PTPRU: variants seen among roughly 807,000 people sequenced by gnomAD.
PTPRU encodes protein tyrosine phosphatase receptor type U.
Under a neutral mutation model 166.3 loss-of-function variants are expected in PTPRU, and 69 were observed. The ratio of observed to expected loss-of-function variants is 0.41; its 90% confidence interval spans 0.34 to 0.51. The LOEUF (loss-of-function observed/expected upper bound fraction) is 0.51, where lower values mean the gene tolerates loss of function less well. PTPRU is among the 20% of genes least tolerant of loss of function. PTPRU has a pLI of 0.09. For missense variants in PTPRU, 1,657 were observed against 2,013.7 expected (o/e 0.82, Z 3.39); for synonymous variants, 793 against 814.0 (o/e 0.97, Z 0.44).
rs372417435 is a variant in PTPRU, at chr1:29,305,161, C to T, written c.2744-191C>T. Among the ~76,000 whole-genome samples, 20 of 152,312 alleles carry T rather than the reference C, an allele frequency of 1.3e-4. No homozygotes were observed. In the South Asian group the frequency reaches 3.9e-3, roughly 30 times the overall value. On this transcript the variant is annotated intron_variant, in intron 17 of 29. Coordinates refer to ENST00000373779, the MANE Select transcript of PTPRU (RefSeq NM_133178.4). ...ATACACTCTTAGGCCTCCTTGACTCCATAGCCCAGGCTCTACCCCCTGGTG... is the reference window on the plus strand; with the variant it reads ...ATACACTCTTAGGCCTCCTTGACTCTATAGCCCAGGCTCTACCCCCTGGTG...
At position 29,315,510 on chromosome 1, in the gene PTPRU, G is replaced by A; in HGVS notation, c.3363+3G>A. 1.2e-6 allele frequency: 2 copies of A among 1,614,132 alleles called. No individual in the cohort carries two copies. The highest frequency in any genetic ancestry group is 8.5e-7 in the Non-Finnish European group (1 of 1,180,034). ...GTGTCAACATGATCCAGACTGAGGT[G>A]CGGGGACCTGGCCCTGTCCCCACCA... On this transcript the variant is annotated splice_donor_region_variant and intron_variant, in intron 23 of 29. Transcript: ENST00000373779. This position sits in a 1 kb window ranked among gnomAD's most constrained non-coding sequence, Gnocchi z 4.5.
rs749027853 is a variant in PTPRU at position 29,257,881 on chromosome 1, G to C, written c.206-624G>C. On this transcript the variant is annotated intron_variant, in intron 2 of 29. Transcript: ENST00000373779. This position sits in a 1 kb window ranked among gnomAD's most constrained non-coding sequence, Gnocchi z 4.6. ...TCCAGGGATGAATGACCTAGTCCCT[G>C]TCTCCAGGGATAGCTCAGAACATGG... 6.6e-6 allele frequency among the ~76,000 whole-genome samples: 1 copy of C among 152,122 alleles called. No homozygotes were observed. Among genetic ancestry groups the C allele is most frequent in the East Asian group, 1.9e-4 (1 of 5,176 alleles).
intron 16 of PTPRU, 44 bp from the exon 17 acceptor site, chr1:29,304,730 G>GCCTACATCATCCCCACTGAGGGGA: frequency 6.6e-7 from 1 of 1,511,132 alleles, no homozygotes; most frequent in Non-Finnish European, 9.1e-7. Flanking sequence ...GGCCCTCAGT[G>GCCTACATCATCCCCACTGAGGGGA]AGGGTCCCTC....
At chr1:29,295,726 A>G (rs192399421) in intron 15 of PTPRU, among the ~76,000 whole-genome samples, 30 of 151,630 alleles carry the variant, frequency 2.0e-4, no homozygotes, top group African/African-American at 6.3e-4. Flanking sequence ...TCACTCTGTC[A>G]CCCAGGCTGG....
At chr1:29,248,863 C>T (rs1373495400) in intron 1 of PTPRU, among the ~76,000 whole-genome samples, 2 of 152,146 alleles carry the variant, frequency 1.3e-5, no homozygotes, top group Non-Finnish European at 2.9e-5. Flanking sequence ...AGCGCCTGCC[C>T]GGGAGACCTC....
chr1:29,253,369 G>A (rs923312124), intron 1 of PTPRU, among the ~76,000 whole-genome samples: 58 of 152,186 alleles, frequency 3.8e-4, no homozygotes, highest in Admixed American at 3.4e-3. Flanking sequence ...TGGCCTTTCC[G>A]TGGCATTCCT....
intron 8 of PTPRU, 102 bp downstream of exon 8, chr1:29,275,858 T>G: frequency 7.4e-7 from 1 of 1,344,006 alleles, no homozygotes; most frequent in East Asian, 2.5e-5. Context: ...TTTTTTTTGC[T>G]TAGGATTAAA....
intron 15 of PTPRU, among the ~76,000 whole-genome samples, chr1:29,295,175 A>G (rs1686824769): frequency 6.6e-6 from 1 of 151,122 alleles, no homozygotes; most frequent in Admixed American, 6.6e-5. Context: ...AGCTGGGACT[A>G]CAGGGGCGCA....
rs146068581 is a variant in PTPRU at position 29,317,750 on chromosome 1, G to A, written c.3516G>A (p.Thr1172=). 2.6e-5 allele frequency: 41 copies of A among 1,606,972 alleles called. No homozygotes were observed. Among genetic ancestry groups the A allele is most frequent in the African/African-American group, 1.9e-4 (14 of 74,890 alleles). ...GTCCCCACCCCCGCTCCCTGTAGAC[G>A]CTGAACTCGGTCACCCCGCCGCTGG... ...NSSQLREEFQ[T]LNSVTPPLDV... The change falls in exon 25 of 30, where the codon ACG becomes ACA. Residue 1172 remains threonine, a splice_region_variant and synonymous_variant. Coordinates refer to ENST00000373779, the MANE Select transcript of PTPRU (RefSeq NM_133178.4). This position sits in a 1 kb window ranked among gnomAD's most constrained non-coding sequence, Gnocchi z 5.6.
Position 29,325,198 on chromosome 1 carries a change from G to C in PTPRU, c.4120G>C (p.Gly1374Arg), listed in dbSNP as rs1557495010. Reference sequence around the variant, plus strand: ...TTTGCATCTCTCATTCAGAAACGGGGGAGGACGCAGCGGCACCTTCTGCGC... The same window carrying C: ...TTTGCATCTCTCATTCAGAAACGGGCGAGGACGCAGCGGCACCTTCTGCGC... ...GRTIVHCLNG[G>R]GRSGTFCACA... Residue 1374 changes from glycine to arginine, a missense_variant, in exon 29 of 30, where the codon GGA (glycine) becomes CGA (arginine). By Grantham distance (125) the Gly-to-Arg change is moderately radical. Coordinates refer to ENST00000373779, the MANE Select transcript of PTPRU (RefSeq NM_133178.4). 6.2e-7 allele frequency: 1 copy of C among 1,614,106 alleles called. No individual in the cohort carries two copies. The highest frequency in any genetic ancestry group is 2.2e-5 in the East Asian group (1 of 44,892).
At chr1:29,250,777 G>T (rs1200797520) in intron 1 of PTPRU, among the ~76,000 whole-genome samples, 1 of 152,248 alleles carries the variant, frequency 6.6e-6, no homozygotes, top group African/African-American at 2.4e-5. Flanking sequence ...GGGGCTTTTG[G>T]CTCCTAGCTG....
Position 29,282,752 on chromosome 1 carries a change from G to A in PTPRU, c.1945G>A (p.Val649Met). ...REPGGQDCFP[V>M]PLTFEAALAR... ...GCCAGGTGGACAGGACTGCTTCCCAGTGCCATTGACCTTCGAGGCGGCGCT... is the reference window on the plus strand; with the variant it reads ...GCCAGGTGGACAGGACTGCTTCCCAATGCCATTGACCTTCGAGGCGGCGCT... The change falls in exon 12 of 30, where the codon GTG (valine) becomes ATG (methionine). Residue 649 changes from valine to methionine, a missense_variant. By Grantham distance (21) the Val-to-Met change is conservative. This residue lies in a region of PTPRU where 1,190 missense variants were observed against 1,477.4 expected (regional missense o/e 0.81). Coordinates refer to ENST00000373779, the MANE Select transcript of PTPRU (RefSeq NM_133178.4). 1 of 1,614,038 alleles carries A rather than the reference G, an allele frequency of 6.2e-7. No homozygotes were observed. The highest frequency in any genetic ancestry group is 8.5e-7 in the Non-Finnish European group (1 of 1,180,012).
chr1:29,264,857 A>G (rs1462358413), intron 7 of PTPRU, among the ~76,000 whole-genome samples: 1 of 152,156 alleles, frequency 6.6e-6, no homozygotes. Flanking sequence ...TTCTTATTGA[A>G]TTATCTTGGC....
In PTPRU at chr1:29,325,748, T is replaced by A; in HGVS notation, c.*87T>A. The stretch of plus-strand genomic sequence containing the variant: ...CGAGGAAGATCAGTGCCTCCTGCTC[T>A]GCCCAAACACACTCCCATGGGGCAA... On this transcript the variant is annotated 3_prime_UTR_variant, in exon 30 of 30. Coordinates refer to ENST00000373779, the MANE Select transcript of PTPRU (RefSeq NM_133178.4). The A allele has an allele frequency of 7.3e-7, 1 of 1,369,290 alleles. No individual in the cohort carries two copies. Among genetic ancestry groups the A allele is most frequent in the Non-Finnish European group, 1.0e-6 (1 of 1,000,960 alleles). 84.8% of individuals were successfully genotyped at this position (1,369,290 alleles called of 1,614,324 possible). A position where few individuals can be genotyped will look rare whatever the true frequency, so the allele number is the denominator to read the frequency against.
At position 29,260,149 on chromosome 1, in the gene PTPRU, G is replaced by A. The variant is rs545360469; in HGVS notation, c.850+105G>A. Reference sequence around the variant, plus strand: ...GGGCGTGGCCGTGGGGGGTGGGGCCGGCAGGGTGTCGCTGGGGCGCTATCT... The same window carrying A: ...GGGCGTGGCCGTGGGGGGTGGGGCCAGCAGGGTGTCGCTGGGGCGCTATCT... On this transcript the variant is annotated intron_variant, in intron 6 of 29. Transcript: ENST00000373779. The surrounding 1 kb of genome is among the most constrained non-coding windows in gnomAD (Gnocchi z 8.3). 1.1e-4 allele frequency: 127 copies of A among 1,197,316 alleles called. No homozygotes were observed. In the African/African-American group the frequency reaches 1.9e-3, roughly 18 times the overall value. 74.2% of individuals were successfully genotyped at this position (1,197,316 alleles called of 1,614,324 possible).
intron 24 of PTPRU, among the ~76,000 whole-genome samples, chr1:29,316,452 G>C (rs1462738983): frequency 1.3e-5 from 2 of 152,184 alleles, no homozygotes; most frequent in Non-Finnish European, 1.5e-5. Flanking sequence ...CCTCAGTTTT[G>C]TTACCCAGAG....
At position 29,237,165 on chromosome 1, in the gene PTPRU, G is replaced by A. The variant is rs139284085; in HGVS notation, c.73+448G>A. ...GTCTGCGAGTGGGTTGTGTGTTTGT[G>A]TTATGCCTGTGGCCAAGGGTGCTCT... On this transcript the variant is annotated intron_variant, in intron 1 of 29. Transcript: ENST00000373779. The surrounding 1 kb of genome is among the most constrained non-coding windows in gnomAD (Gnocchi z 6.4). Among the ~76,000 whole-genome samples the A allele has an allele frequency of 4.7e-3, 709 of 152,282 alleles. 8 individuals carry two copies. The highest frequency in any genetic ancestry group is 0.027 in the Middle Eastern group (8 of 294).
intron 8 of PTPRU, among the ~76,000 whole-genome samples, chr1:29,277,610 C>T (rs1161422693): frequency 1.3e-5 from 2 of 152,042 alleles, no homozygotes; most frequent in Non-Finnish European, 2.9e-5. Flanking sequence ...ATATGTCAAA[C>T]TAATATTTAG....
intron 1 of PTPRU, among the ~76,000 whole-genome samples, chr1:29,251,935 T>C (rs1030325428): frequency 1.3e-5 from 2 of 152,198 alleles, no homozygotes; most frequent in African/African-American, 4.8e-5. Context: ...CTGACCACCA[T>C]GCTCTCTCTC....
Sources: allele counts gnomAD v4.1 joint callset (sites outside exome capture counted in the v4.1 genomes callset), GRCh38; gene constraint gnomAD v4.1.1; regional missense constraint gnomAD v4.1.1; non-coding constraint Gnocchi (gnomAD v3.1); transcripts MANE v1.5; gene names NCBI Gene and HGNC (gene_info 2026-07-23, HGNC 2026-07-21).